The following PSMD12 variants were observed in gnomAD, a reference collection of about 807,000 sequenced individuals.
The protein encoded by PSMD12 is 26S proteasome non-ATPase regulatory subunit 12.
PSMD12 carries 8 observed loss-of-function variants against 62.9 expected under a neutral mutation model. That is an observed-to-expected ratio of 0.13 (90% CI 0.07 to 0.23). The LOEUF (loss-of-function observed/expected upper bound fraction) is 0.23, where lower values mean the gene tolerates loss of function less well. PSMD12 is among the 10% of genes least tolerant of loss of function. PSMD12 has a pLI of 1.00. For missense variants in PSMD12, 424 were observed against 550.2 expected, an observed-to-expected ratio of 0.77 and a Z score of 2.29; for synonymous variants, 173 against 187.4, an observed-to-expected ratio of 0.92 and a Z score of 0.63.
chr17:67,341,637 G>A (rs752276834), intron 10 of PSMD12, among the ~76,000 whole-genome samples: 9 of 152,104 alleles, frequency 5.9e-5, no homozygotes, highest in Non-Finnish European at 1.3e-4. Flanking sequence ...CCATGCCAAC[G>A]GCAAGTTGGT....
intron 9 of PSMD12, 129 bp downstream of exon 9, chr17:67,344,476 TA>T: frequency 1.1e-6 from 1 of 880,472 alleles, no homozygotes; most frequent in Non-Finnish European, 1.7e-6. Context: ...CATAACATCC[TA>T]AATGAACATT....
intron 4 of PSMD12, among the ~76,000 whole-genome samples, chr17:67,349,080 C>T (rs1365775199): frequency 6.6e-6 from 1 of 152,180 alleles, no homozygotes; most frequent in Non-Finnish European, 1.5e-5. Flanking sequence ...AGTGCAGTGG[C>T]GTGATCTCGG....
Position 67,342,233 on chromosome 17 carries a change from G to T in PSMD12, c.1114C>A (p.Arg372=). 6.3e-7 allele frequency: 1 copy of T among 1,586,644 alleles called. No homozygotes were observed. Among genetic ancestry groups the T allele is most frequent in the Non-Finnish European group, 8.7e-7 (1 of 1,155,512 alleles). The stretch of plus-strand genomic sequence containing the variant: ...TGTGCCATCCTTTTCATTGTTATCC[G>T]AGTATAATACTTGGCCATTATTCTA... The part of the protein sequence containing the change: ...NIRIMAKYYT[R]ITMKRMAQLL... The change falls in exon 10 of 11, where the codon CGG becomes AGG. Residue 372 remains arginine (R), a synonymous_variant. Coordinates refer to ENST00000356126, the MANE Select transcript of PSMD12 (RefSeq NM_002816.5).
chr17:67,362,140 C>A (rs1287763173), intron 1 of PSMD12, among the ~76,000 whole-genome samples: 1 of 152,046 alleles, frequency 6.6e-6, no homozygotes, highest in African/African-American at 2.4e-5. Context: ...AAGTAGTCCC[C>A]AAATAACCAT....
chr17:67,340,746 A>G lies in PSMD12; in HGVS notation c.*97T>C, dbSNP rs1281549393. 1 of 945,774 alleles carries G rather than the reference A, an allele frequency of 1.1e-6. No homozygotes were observed. The highest frequency in any genetic ancestry group is 1.5e-6 in the Non-Finnish European group (1 of 665,458). 58.6% of individuals were successfully genotyped at this position (945,774 alleles called of 1,614,324 possible). On this transcript the variant is annotated 3_prime_UTR_variant, in exon 11 of 11. Transcript: ENST00000356126. ...TATTCACTATTTTAAAATTTAAGAC[A>G]AAGAAGCTTAGAAAAAAAACCCCAA...
chr17:67,352,539 C>T (rs542853748), intron 3 of PSMD12, among the ~76,000 whole-genome samples: 3 of 152,246 alleles, frequency 2.0e-5, no homozygotes, highest in African/African-American at 7.2e-5. Context: ...GAGCACACAA[C>T]TTGATAATTC....
In PSMD12 at chr17:67,342,252, T is replaced by C; in HGVS notation, c.1095A>G (p.Ile365Met). The C allele has an allele frequency of 6.4e-7, 1 of 1,572,522 alleles. No homozygotes were observed. The highest frequency in any genetic ancestry group is 8.8e-7 in the Non-Finnish European group (1 of 1,142,720). ...TTATCCGAGTATAATACTTGGCCAT[T>C]ATTCTAATATTCTGGGGAGAGGATA... ...KNRVVEHNIR[I>M]MAKYYTRITM... The change falls in exon 10 of 11, where the codon ATA (isoleucine) becomes ATG (methionine). Residue 365 changes from isoleucine (I) to methionine (M), a missense_variant. Physicochemically the swap from Ile to Met is conservative, Grantham distance 10. Coordinates refer to ENST00000356126, the MANE Select transcript of PSMD12 (RefSeq NM_002816.5).
chr17:67,362,593 T>C (rs1481235243), intron 1 of PSMD12, among the ~76,000 whole-genome samples: 1 of 142,688 alleles, frequency 7.0e-6, no homozygotes, highest in Non-Finnish European at 1.5e-5. Context: ...ACCCGGGAGA[T>C]GGAGGTTGCA....
chr17:67,344,829 TTAAC>T, intron 8 of PSMD12, 49 bp from the exon 9 acceptor site: 1 of 1,382,094 alleles, frequency 7.2e-7, no homozygotes, highest in Non-Finnish European at 9.7e-7. Context: ...AAATTAAGTA[TTAAC>T]TAATATAATA....
chr17:67,361,133 T>C (rs1187916513), intron 1 of PSMD12: 1 of 152,186 alleles, frequency 6.6e-6, no homozygotes, highest in Non-Finnish European at 1.5e-5. Flanking sequence ...ATTTTCCTCA[T>C]TAAAATAATC....
rs751250090 is a variant in PSMD12 at position 67,347,101 on chromosome 17, C to T, written c.795+15G>A. The T allele has an allele frequency of 2.0e-5, 32 of 1,565,596 alleles. No individual in the cohort carries two copies. The highest frequency in any genetic ancestry group is 2.4e-5 in the South Asian group (2 of 85,026). On this transcript the variant is annotated intron_variant, in intron 7 of 10. Coordinates refer to ENST00000356126, the MANE Select transcript of PSMD12 (RefSeq NM_002816.5). Reference sequence around the variant, plus strand: ...TGAATAAGAAGCCATGTCAATTACACGAATATATTCTTACCTGCTGCCATT... The same window carrying T: ...TGAATAAGAAGCCATGTCAATTACATGAATATATTCTTACCTGCTGCCATT...
intron 9 of PSMD12, 131 bp downstream of exon 9, chr17:67,344,475 C>A: frequency 2.3e-6 from 2 of 871,478 alleles, no homozygotes; most frequent in South Asian, 2.1e-5. Flanking sequence ...ACATAACATC[C>A]TAAATGAACA....
chr17:67,341,848 C>T (rs2041917992), intron 10 of PSMD12, among the ~76,000 whole-genome samples: 2 of 152,204 alleles, frequency 1.3e-5, no homozygotes. Flanking sequence ...AACCTTCCAA[C>T]TCTAATGTTC....
At chr17:67,357,915 T>G (rs1218062973) in intron 1 of PSMD12, among the ~76,000 whole-genome samples, 1 of 141,730 alleles carries the variant, frequency 7.1e-6, no homozygotes, top group Non-Finnish European at 1.6e-5. Flanking sequence ...TGGTAACACC[T>G]GTTTATCTTG....
intron 4 of PSMD12, among the ~76,000 whole-genome samples, chr17:67,349,978 C>T (rs563105009): frequency 2.7e-4 from 41 of 152,250 alleles, no homozygotes; most frequent in African/African-American, 8.9e-4. Context: ...TTTAAAGTCA[C>T]ATTTAAATCC....
chr17:67,347,284 A>G (rs2041976765), intron 6 of PSMD12, 34 bp from the exon 7 acceptor site: 1 of 1,612,368 alleles, frequency 6.2e-7, no homozygotes, highest in Non-Finnish European at 8.5e-7. Flanking sequence ...ATTGGGGTTT[A>G]TGGGTTTTAT....
rs549649628 is a variant in PSMD12 at position 67,358,071 on chromosome 17, C to T, written c.109-493G>A. On this transcript the variant is annotated intron_variant, in intron 1 of 10. Coordinates refer to ENST00000356126, the MANE Select transcript of PSMD12 (RefSeq NM_002816.5). ...GGAGCAGGTGGGACTACAGGAGTGC[C>T]CCACCACACCCGGCTAATTTTTGTT... Among the ~76,000 whole-genome samples the T allele has an allele frequency of 9.5e-4, 145 of 152,124 alleles. 5 individuals are homozygous for T. The South Asian group carries it at 0.029, about 30-fold the overall frequency.
chr17:67,352,611 T>G (rs1349601290), intron 3 of PSMD12, among the ~76,000 whole-genome samples: 1 of 152,178 alleles, frequency 6.6e-6, no homozygotes, highest in Non-Finnish European at 1.5e-5. Flanking sequence ...ACAACTACAG[T>G]AGTCTCCACT....
chr17:67,341,048 G>T lies in PSMD12; in HGVS notation c.1166C>A (p.Ser389Tyr). 3.9e-6 allele frequency: 6 copies of T among 1,544,750 alleles called. No homozygotes were observed. The highest frequency in any genetic ancestry group is 2.4e-5 in the East Asian group (1 of 41,310). ...TACTAGATTTGAGAGAAAGGCTTCG[G>T]ACTCCTGCAAGAGAGAAAGATAAAT... Reference protein sequence around the residue: ...AQLLDLSVDESEAFLSNLVVN... With the variant: ...AQLLDLSVDEYEAFLSNLVVN... The change falls in exon 11 of 11, where the codon TCC becomes TAC. Residue 389 changes from serine to tyrosine, a missense_variant. Physicochemically the swap from Ser to Tyr is moderately radical, Grantham distance 144. Coordinates refer to ENST00000356126, the MANE Select transcript of PSMD12 (RefSeq NM_002816.5).
Sources: allele counts gnomAD v4.1 joint callset (sites outside exome capture counted in the v4.1 genomes callset), GRCh38; gene constraint gnomAD v4.1.1; transcripts MANE v1.5; gene names NCBI Gene and HGNC (gene_info 2026-07-23, HGNC 2026-07-21).